IL17RA: variants seen among roughly 807,000 people sequenced by gnomAD.
The protein encoded by IL17RA is interleukin-17 receptor A.
A neutral mutation model predicts 50.4 loss-of-function variants in IL17RA; 34 were observed. The ratio of observed to expected loss-of-function variants is 0.67; its 90% CI spans 0.51 to 0.90. The LOEUF is 0.90. IL17RA is among the 40% of genes least tolerant of loss of function. The pLI, the probability that IL17RA is intolerant of heterozygous loss-of-function variation, is 0.00. For missense variants in IL17RA, 1,276 were observed against 1,169.8 expected (o/e 1.09, Z -1.32); for synonymous variants, 585 against 510.4 (o/e 1.15, Z -1.97).
chr22:17,107,829 A>G (rs1282983295), intron 12 of IL17RA, 61 bp downstream of exon 12: 2 of 1,477,460 alleles, frequency 1.4e-6, no homozygotes, highest in South Asian at 1.1e-5. Context: ...TTCTCCTGGG[A>G]TAAGTGCGTG....
intron 12 of IL17RA, 50 bp from the exon 13 acceptor site, chr22:17,108,257 T>G: frequency 6.3e-7 from 1 of 1,590,136 alleles, no homozygotes; most frequent in Non-Finnish European, 8.6e-7. Context: ...GGCACAGAGC[T>G]GCCCTGGGCC....
chr22:17,094,803 A>C (rs1411525767), intron 1 of IL17RA, among the ~76,000 whole-genome samples: 1 of 147,896 alleles, frequency 6.8e-6, no homozygotes, highest in Non-Finnish European at 1.5e-5. Flanking sequence ...TTCCTCTCTC[A>C]TCAACACATT....
rs776930772 is a variant in IL17RA at position 17,100,464 on chromosome 22, A to C, written c.533A>C (p.Lys178Thr). 1.9e-6 allele frequency: 3 copies of C among 1,614,190 alleles called. No individual in the cohort carries two copies. Among genetic ancestry groups the C allele is most frequent in the Non-Finnish European group, 2.5e-6 (3 of 1,180,032 alleles). Reference protein sequence around the residue: ...IPDGDPNHQSKNFLVPDCEHA... With the variant: ...IPDGDPNHQSTNFLVPDCEHA... The stretch of plus-strand genomic sequence containing the variant: ...GATGGGGACCCAAACCACCAGTCCA[A>C]GAATTTCCTTGTGCCTGGTAAGAGC... The change falls in exon 5 of 13, where the codon AAG becomes ACG. Residue 178 changes from lysine to threonine, a missense_variant. Coordinates refer to ENST00000319363, the MANE Select transcript of IL17RA (RefSeq NM_014339.7).
At chr22:17,097,209 G>A (rs1601340587) in intron 2 of IL17RA, 123 bp downstream of exon 2, 12 of 912,912 alleles carry the variant, frequency 1.3e-5, no homozygotes, top group Admixed American at 3.5e-5. Flanking sequence ...ACAGCCATCC[G>A]CAGGAGGGTT....
intron 9 of IL17RA, among the ~76,000 whole-genome samples, chr22:17,105,086 A>G (rs1219565383): frequency 6.6e-6 from 1 of 152,146 alleles, no homozygotes; most frequent in African/African-American, 2.4e-5. Flanking sequence ...GGTGGTTTTT[A>G]TCCTAGAGCC....
chr22:17,107,638 C>A (rs1412069374), intron 11 of IL17RA, 89 bp from the exon 12 acceptor site: 2 of 1,170,182 alleles, frequency 1.7e-6, no homozygotes, highest in East Asian at 2.3e-5. Context: ...ACCCTTCACC[C>A]TTTGTCAGGG....
chr22:17,095,374 G>A (rs934918560), intron 1 of IL17RA, among the ~76,000 whole-genome samples: 1 of 152,136 alleles, frequency 6.6e-6, no homozygotes, highest in African/African-American at 2.4e-5. Context: ...CCTCCATCTC[G>A]GGAATGAGAG....
intron 5 of IL17RA, among the ~76,000 whole-genome samples, chr22:17,100,825 C>A (rs1006205712): frequency 3.3e-5 from 5 of 152,180 alleles, no homozygotes; most frequent in African/African-American, 1.2e-4. Flanking sequence ...GGGGAAGTTG[C>A]AGCCTCTGCC....
intron 9 of IL17RA, 107 bp from the exon 10 acceptor site, chr22:17,105,484 C>A: frequency 9.4e-7 from 1 of 1,066,314 alleles, no homozygotes; most frequent in Non-Finnish European, 1.5e-6. Context: ...GTGCCTGGTG[C>A]AGGGCCAACA....
Position 17,107,754 on chromosome 22 carries a change from A to G in IL17RA, c.1073A>G (p.Asp358Gly), listed in dbSNP as rs150618101. 3 of 1,613,606 alleles carry G rather than the reference A, an allele frequency of 1.9e-6. No individual in the cohort carries two copies. The African/African-American group carries it at 4.0e-5, about 22-fold the overall frequency. Residue 358 changes from aspartate to glycine, a missense_variant, in exon 12 of 13, where the codon GAC becomes GGC. Asp to Gly is a moderately conservative substitution (Grantham distance 94). Transcript: ENST00000319363. Reference sequence around the variant, plus strand: ...CCTGGAAGTGAAAAATACAGTGATGACACCAAATACACCGGTCAGTATTTC... The same window carrying G: ...CCTGGAAGTGAAAAATACAGTGATGGCACCAAATACACCGGTCAGTATTTC... ...AGPGSEKYSDDTKYTDGLPAA... is the reference protein window; with the variant it reads ...AGPGSEKYSDGTKYTDGLPAA...
Position 17,102,341 on chromosome 22 carries a change from G to A in IL17RA, c.762+39G>A, listed in dbSNP as rs773697918. The A allele has an allele frequency of 1.3e-5, 21 of 1,609,440 alleles. No individual in the cohort carries two copies. In the African/African-American group the frequency reaches 2.7e-4, roughly 20 times the overall value. ...TTTTGACCCCTCTAGCATAGCTCAG[G>A]ACCACCCCTCCAAGCCCTGAGTCTC... On this transcript the variant is annotated intron_variant, in intron 7 of 12. Transcript: ENST00000319363.
In IL17RA at chr22:17,102,122, G is replaced by T; in HGVS notation, c.599-17G>T. 1 of 1,614,106 alleles carries T rather than the reference G, an allele frequency of 6.2e-7. No homozygotes were observed. The highest frequency in any genetic ancestry group is 8.5e-7 in the Non-Finnish European group (1 of 1,180,016). ...GTGCCCCTCCTCACTCCCAGCCTGC[G>T]TGTGTGACCTTGGCAGGCAGCCTGT... is the stretch of plus-strand genomic sequence containing the variant. On this transcript the variant is annotated splice_polypyrimidine_tract_variant and intron_variant, in intron 6 of 12. Transcript: ENST00000319363.
In IL17RA at chr22:17,085,131, C is replaced by G; in HGVS notation, c.40C>G (p.Pro14Ala). 1 of 1,468,390 alleles carries G rather than the reference C, an allele frequency of 6.8e-7. No individual in the cohort carries two copies. The highest frequency in any genetic ancestry group is 1.5e-5 in the African/African-American group (1 of 68,356). The allele number at this position is 1,468,390 out of a possible 1,614,324, so 91.0% of individuals were successfully genotyped here. A position where few individuals can be genotyped will look rare whatever the true frequency, so the allele number is the denominator to read the frequency against. The change falls in exon 1 of 13, where the codon CCC (proline) becomes GCC (alanine). Residue 14 changes from proline to alanine, a missense_variant. By Grantham distance (27) the Pro-to-Ala change is conservative (BLOSUM62 -1). Coordinates refer to ENST00000319363, the MANE Select transcript of IL17RA (RefSeq NM_014339.7). ...ARSPPSAVPG[P>A]LLGLLLLLLG... ...CAGCCCGCCGTCCGCTGTCCCGGGG[C>G]CCCTGCTGGGGCTGCTCCTGCTGCT...
intron 1 of IL17RA, among the ~76,000 whole-genome samples, chr22:17,091,027 G>T (rs560992701): frequency 2.6e-5 from 4 of 152,084 alleles, no homozygotes; most frequent in Non-Finnish European, 5.9e-5. Context: ...CCCCAGCAAG[G>T]TCTGTGCTCT....
intron 4 of IL17RA, among the ~76,000 whole-genome samples, chr22:17,099,234 C>A (rs2061380942): frequency 6.6e-6 from 1 of 152,152 alleles, no homozygotes; most frequent in South Asian, 2.1e-4. Flanking sequence ...TGTGTAACAT[C>A]TTTTATGTGT....
At chr22:17,091,103 C>G (rs573292865) in intron 1 of IL17RA, among the ~76,000 whole-genome samples, 3 of 152,328 alleles carry the variant, frequency 2.0e-5, no homozygotes, top group Non-Finnish European at 4.4e-5. Context: ...TCTCCCATGT[C>G]CTGGATCCTG....
intron 11 of IL17RA, 28 bp from the exon 12 acceptor site, chr22:17,107,699 A>T (rs752067449): frequency 1.2e-6 from 2 of 1,600,840 alleles, no homozygotes; most frequent in South Asian, 2.2e-5. Flanking sequence ...CCAAAGAACC[A>T]CTCCAGTGTA....
chr22:17,109,801 C>CA lies in IL17RA; in HGVS notation c.2583dup (p.Glu862ArgfsTer19). Reference sequence around the variant, plus strand: ...GGCTGGGACACGATGGGGTCAGAGTCAGAGGGGCCCAGTGCATGAGGGCGG... The same window carrying CA: ...GGCTGGGACACGATGGGGTCAGAGTCAAGAGGGGCCCAGTGCATGAGGGCGG... On this transcript the variant is annotated frameshift_variant, in exon 13 of 13. Transcript: ENST00000319363. LOFTEE classifies it high-confidence loss of function. 1 of 1,549,842 alleles carries CA rather than the reference C, an allele frequency of 6.5e-7. No homozygotes were observed. The highest frequency in any genetic ancestry group is 1.2e-5 in the South Asian group (1 of 84,090).
intron 1 of IL17RA, among the ~76,000 whole-genome samples, chr22:17,094,141 A>T (rs1202031989): frequency 6.6e-6 from 1 of 151,812 alleles, no homozygotes; most frequent in Non-Finnish European, 1.5e-5. Context: ...ATGCCACCAC[A>T]CCCAGCTAAT....
Sources: allele counts gnomAD v4.1 joint callset (sites outside exome capture counted in the v4.1 genomes callset), GRCh38; gene constraint gnomAD v4.1.1; transcripts MANE v1.5; gene names NCBI Gene and HGNC (gene_info 2026-07-23, HGNC 2026-07-21).